The following ELK3 variants were observed in gnomAD, a reference collection of about 807,000 sequenced individuals.
ELK3 encodes ETS transcription factor ELK3.
In ELK3, 10 loss-of-function variants were observed where a neutral mutation model predicts 28.9. The observed-to-expected ratio is 0.35, with a 90% CI of 0.21 to 0.59. The LOEUF is 0.59. ELK3 is among the 20% of genes least tolerant of loss of function. The pLI is 0.82. For synonymous variants in ELK3, 272 were observed against 243.5 expected, an observed-to-expected ratio of 1.12 and a Z score of -1.09; for missense variants, 463 against 517.3, an observed-to-expected ratio of 0.90 and a Z score of 1.02.
rs1313848298 is a variant in ELK3 at position 96,254,923 on chromosome 12, G to A, written c.1003-4808G>A. Among the ~76,000 whole-genome samples the A allele has an allele frequency of 2.6e-5, 4 of 152,188 alleles. No individual in the cohort carries two copies. The South Asian group carries it at 8.3e-4, about 32-fold the overall frequency. On this transcript the variant is annotated intron_variant, in intron 3 of 4. Coordinates refer to ENST00000228741, the MANE Select transcript of ELK3 (RefSeq NM_005230.4). ...ACAGCTTGAGGCAAGGCATAGATACGTGAAATAGCTTTGTGATTAGGGGAG... is the reference window on the plus strand; with the variant it reads ...ACAGCTTGAGGCAAGGCATAGATACATGAAATAGCTTTGTGATTAGGGGAG...
intron 2 of ELK3, among the ~76,000 whole-genome samples, chr12:96,242,662 C>T (rs952544346): frequency 3.3e-5 from 5 of 151,182 alleles, no homozygotes; most frequent in Non-Finnish European, 3.0e-5. Flanking sequence ...ATCCTCCAGC[C>T]GTGGGCACCG....
chr12:96,247,596 C>T lies in ELK3; in HGVS notation c.864C>T (p.Pro288=). 6.2e-7 allele frequency: 1 copy of T among 1,614,016 alleles called. No homozygotes were observed. Among genetic ancestry groups the T allele is most frequent in the South Asian group, 1.1e-5 (1 of 91,080 alleles). Residue 288 remains proline, a synonymous_variant, in exon 3 of 5, where the codon CCC becomes CCT. Coordinates refer to ENST00000228741, the MANE Select transcript of ELK3 (RefSeq NM_005230.4). The surrounding 1 kb of genome is among the most constrained non-coding windows in gnomAD (Gnocchi z 5.5). ...CCAAGACCAAGTCTCCATCTCTTCC[C>T]CCAAAGGCCAAAAAACCCAAAGGCT... ...SGSKTKSPSL[P]PKAKKPKGLE...
intron 1 of ELK3, among the ~76,000 whole-genome samples, chr12:96,221,309 A>G (rs984811488): frequency 6.6e-6 from 1 of 152,222 alleles, no homozygotes; most frequent in East Asian, 1.9e-4. Flanking sequence ...GGCAGGTGGA[A>G]ATGCTAAGTG....
At chr12:96,248,353 C>T (rs1951875596) in intron 3 of ELK3, among the ~76,000 whole-genome samples, 1 of 152,216 alleles carries the variant, frequency 6.6e-6, no homozygotes, top group Non-Finnish European at 1.5e-5. Flanking sequence ...TGTTATTAGT[C>T]CCAAAGAGAA....
At chr12:96,225,529 G>A (rs775166596) in intron 2 of ELK3, among the ~76,000 whole-genome samples, 5 of 152,224 alleles carry the variant, frequency 3.3e-5, no homozygotes, top group Non-Finnish European at 5.9e-5. Flanking sequence ...CTAAGGTGCT[G>A]TGCTGAGCAC....
intron 4 of ELK3, among the ~76,000 whole-genome samples, chr12:96,260,907 T>C (rs7138031): frequency 0.3 from 44,950 of 152,090 alleles, 7,014 homozygotes; most frequent in East Asian, 0.58. Flanking sequence ...TCTGGCAATC[T>C]TTCTCACTAA....
intron 4 of ELK3, among the ~76,000 whole-genome samples, chr12:96,263,968 A>G (rs537089709): frequency 1.3e-5 from 2 of 152,126 alleles, no homozygotes; most frequent in Non-Finnish European, 1.5e-5. Flanking sequence ...GAACAGGAAG[A>G]TAAGAGGAAA....
intron 3 of ELK3, among the ~76,000 whole-genome samples, 189 bp from the exon 4 acceptor site, chr12:96,259,542 T>C (rs1279201110): frequency 6.6e-6 from 1 of 152,098 alleles, no homozygotes. Context: ...CGAGACTGTC[T>C]CCAAAAGAAA....
rs1229064880 is a variant in ELK3 at position 96,267,068 on chromosome 12, T to C, written c.1126-14T>C. ...TTTGCAATAATTATTGTAAAAATCTTTTGTCCCCTACAGTTCCCCACACTG... is the reference window on the plus strand; with the variant it reads ...TTTGCAATAATTATTGTAAAAATCTCTTGTCCCCTACAGTTCCCCACACTG... On this transcript the variant is annotated splice_polypyrimidine_tract_variant and intron_variant, in intron 4 of 4. Transcript: ENST00000228741. 19 of 1,602,988 alleles carry C rather than the reference T, an allele frequency of 1.2e-5. No individual in the cohort carries two copies. The highest frequency in any genetic ancestry group is 1.6e-5 in the Non-Finnish European group (19 of 1,175,900).
intron 3 of ELK3, among the ~76,000 whole-genome samples, chr12:96,259,254 T>C (rs1325208034): frequency 2.6e-5 from 4 of 152,178 alleles, no homozygotes; most frequent in Non-Finnish European, 5.9e-5. Flanking sequence ...AAAATTAGCA[T>C]TGAAGAAAAC....
At chr12:96,228,408 C>T (rs1347188184) in intron 2 of ELK3, among the ~76,000 whole-genome samples, 1 of 95,250 alleles carries the variant, frequency 1.0e-5, no homozygotes, top group Admixed American at 1.6e-4. Context: ...CAGAGTGAGA[C>T]TCTGTGTCAA....
intron 4 of ELK3, among the ~76,000 whole-genome samples, chr12:96,264,594 G>A (rs1282580811): frequency 6.6e-6 from 1 of 152,010 alleles, no homozygotes; most frequent in Non-Finnish European, 1.5e-5. Context: ...ACCATCAGGG[G>A]CAACATAGCA....
chr12:96,264,865 C>T (rs1173920834), intron 4 of ELK3, among the ~76,000 whole-genome samples: 3 of 152,206 alleles, frequency 2.0e-5, no homozygotes, highest in African/African-American at 7.2e-5. Context: ...GTTCTTAGCA[C>T]TTTTGGTGGC....
intron 4 of ELK3, among the ~76,000 whole-genome samples, chr12:96,261,590 A>C (rs1951992994): frequency 6.6e-6 from 1 of 152,214 alleles, no homozygotes; most frequent in Non-Finnish European, 1.5e-5. Flanking sequence ...TAATCCTAGA[A>C]TCTAACACAG....
At chr12:96,196,750 T>G (rs1019199854) in intron 1 of ELK3, among the ~76,000 whole-genome samples, 1 of 1,322 alleles carries the variant, frequency 7.6e-4, no homozygotes, top group African/African-American at 2.8e-3. Flanking sequence ...TAAAAGTGTT[T>G]TTTTTTTTTT....
intron 1 of ELK3, among the ~76,000 whole-genome samples, chr12:96,210,561 G>GCGCACACA (rs1555193024): frequency 0.017 from 2,486 of 144,830 alleles, 39 homozygotes; most frequent in Non-Finnish European, 0.027. Flanking sequence ...GCGCGCGGGC[G>GCGCACACA]CACGCACACA....
intron 2 of ELK3, among the ~76,000 whole-genome samples, chr12:96,240,395 G>A (rs973109928): frequency 1.3e-5 from 2 of 152,166 alleles, no homozygotes; most frequent in African/African-American, 4.8e-5. Flanking sequence ...CTTGTCATGC[G>A]TGGATGCATC....
At chr12:96,242,195 G>A (rs1951826427) in intron 2 of ELK3, among the ~76,000 whole-genome samples, 1 of 152,196 alleles carries the variant, frequency 6.6e-6, no homozygotes, top group African/African-American at 2.4e-5. Flanking sequence ...TTACCCAAGT[G>A]TGCTTGTGTC....
intron 1 of ELK3, among the ~76,000 whole-genome samples, chr12:96,210,565 GCACACACACA>G (rs56257302): frequency 6.8e-4 from 100 of 146,424 alleles, no homozygotes; most frequent in Admixed American, 2.2e-3. Context: ...GCGGGCGCAC[GCACACACACA>G]CACACACACA....
Sources: gnomAD v4.1 joint callset for allele counts (sites outside exome capture counted in the v4.1 genomes callset) on GRCh38, gnomAD v4.1.1 for gene constraint, Gnocchi (gnomAD v3.1) non-coding constraint, MANE v1.5 for transcripts, NCBI Gene and HGNC (gene_info 2026-07-23, HGNC 2026-07-21) for gene names.